The following PI16 variants were observed in gnomAD, a reference collection of about 807,000 sequenced individuals.
PI16 encodes the protein PSP94-binding protein.
PI16 carries 35 observed loss-of-function variants against 38.0 expected under a neutral mutation model. The ratio of observed to expected loss-of-function variants is 0.92; its 90% CI spans 0.70 to 1.22. PI16 has a LOEUF of 1.22. PI16 is among the 50% of genes most tolerant of loss of function. PI16 has a pLI of 0.00. For missense variants in PI16, 572 were observed against 593.8 expected (o/e 0.96, Z 0.38); for synonymous variants, 275 against 252.9 (o/e 1.09, Z -0.83).
intron 2 of PI16, 22 bp downstream of exon 2, chr6:36,959,388 C>G: frequency 1.3e-6 from 2 of 1,534,572 alleles, no homozygotes; most frequent in Non-Finnish European, 1.8e-6. Context: ...GCGGGCGAGG[C>G]GGGGCGGAGC....
chr6:36,956,138 C>T (rs185877962), intron 1 of PI16, among the ~76,000 whole-genome samples: 4 of 152,296 alleles, frequency 2.6e-5, no homozygotes, highest in South Asian at 2.1e-4. Context: ...ATGGGGCTGG[C>T]GATCCCTGCC....
chr6:36,959,444 C>A (rs1228803190), intron 2 of PI16, 78 bp downstream of exon 2: 1 of 1,392,988 alleles, frequency 7.2e-7, no homozygotes, highest in Non-Finnish European at 9.6e-7. Flanking sequence ...GCGGGGCCAC[C>A]TCTGCCTTCA....
rs369519536 is a variant in PI16, at chr6:36,957,442, A to C, written c.172-1703A>C. 3.9e-5 allele frequency among the ~76,000 whole-genome samples: 6 copies of C among 152,280 alleles called. No homozygotes were observed. The South Asian group carries it at 1.0e-3, about 26-fold the overall frequency. On this transcript the variant is annotated intron_variant, in intron 1 of 6. Transcript: ENST00000373674. ...GGTGCCTCTATAGTACTTGTGGCAC[A>C]TCTGTCATTTACCATGTGGTGGCCC...
chr6:36,961,420 G>A, intron 2 of PI16, 31 bp from the exon 3 acceptor site: 1 of 1,595,756 alleles, frequency 6.3e-7, no homozygotes, highest in Non-Finnish European at 8.6e-7. Flanking sequence ...ACCTCGCATG[G>A]GGCTGAGCTG....
rs146748215 is a variant in PI16 at position 36,961,415 on chromosome 6, G to T, written c.394-36G>T. 23 of 1,588,964 alleles carry T rather than the reference G, an allele frequency of 1.4e-5. No homozygotes were observed. In the Admixed American group the frequency reaches 1.7e-4, roughly 12 times the overall value. ...TGCCAGGAAGGCACCATGCCACCTC[G>T]CATGGGGCTGAGCTGCTAGGTTTGC... is the stretch of plus-strand genomic sequence containing the variant. On this transcript the variant is annotated intron_variant, in intron 2 of 6. Transcript: ENST00000373674.
At chr6:36,955,226 G>C (rs1763171947) in intron 1 of PI16, among the ~76,000 whole-genome samples, 1 of 152,190 alleles carries the variant, frequency 6.6e-6, no homozygotes, top group South Asian at 2.1e-4. Flanking sequence ...ACAGCTGGTA[G>C]AGCCAGACCC....
intron 1 of PI16, among the ~76,000 whole-genome samples, chr6:36,958,644 G>T (rs1361513473): frequency 6.6e-6 from 1 of 152,124 alleles, no homozygotes; most frequent in Non-Finnish European, 1.5e-5. Flanking sequence ...TGACCCAAGG[G>T]GAGGGTGGGG....
chr6:36,961,177 A>G (rs972988788), intron 2 of PI16, among the ~76,000 whole-genome samples: 2 of 152,200 alleles, frequency 1.3e-5, no homozygotes, highest in Non-Finnish European at 2.9e-5. Flanking sequence ...GGTATATCAC[A>G]GTCCTGGAGC....
chr6:36,963,401 C>T lies in PI16; in HGVS notation c.1059C>T (p.Ala353=). 1.2e-6 allele frequency: 2 copies of T among 1,614,170 alleles called. No individual in the cohort carries two copies. The highest frequency in any genetic ancestry group is 1.7e-6 in the Non-Finnish European group (2 of 1,180,016). ...GGGCAAGGGAACTCCTACCCCATGC[C>T]CAGGAGGAGGCTGAGGCTGAGGCTG... ...LTGARELLPH[A]QEEAEAEAEL... Residue 353 remains alanine (A), a synonymous_variant, in exon 5 of 7, where the codon GCC becomes GCT. Coordinates refer to ENST00000373674, the MANE Select transcript of PI16 (RefSeq NM_153370.3).
rs1763382694 is a variant in PI16 at position 36,962,082 on chromosome 6, A to G, written c.592+108A>G. On this transcript the variant is annotated intron_variant, in intron 4 of 6. Coordinates refer to ENST00000373674, the MANE Select transcript of PI16 (RefSeq NM_153370.3). The surrounding 1 kb of genome is among the most constrained non-coding windows in gnomAD (Gnocchi z 4.1). Reference sequence around the variant, plus strand: ...CTGAGCGGGACGTGGGCAGGGAAGGAGCCTGGTGGGATGCGACCACCGGGG... The same window carrying G: ...CTGAGCGGGACGTGGGCAGGGAAGGGGCCTGGTGGGATGCGACCACCGGGG... 19 of 928,760 alleles carry G rather than the reference A, an allele frequency of 2.0e-5. 1 individual carries two copies. The South Asian group carries it at 2.7e-4, about 13-fold the overall frequency. 57.5% of individuals were successfully genotyped at this position (928,760 alleles called of 1,614,324 possible). A position where few individuals can be genotyped will look rare whatever the true frequency, so the allele number is the denominator to read the frequency against.
At chr6:36,954,660 C>T (rs1214573009), upstream of PI16, 30 of 1,493,700 alleles carry the variant, frequency 2.0e-5, no homozygotes, top group Admixed American at 2.3e-5. Flanking sequence ...TCAAACACGG[C>T]CCCCACTGCC....
chr6:36,960,353 G>A (rs891353683), intron 2 of PI16, among the ~76,000 whole-genome samples: 3 of 151,686 alleles, frequency 2.0e-5, no homozygotes, highest in Non-Finnish European at 4.4e-5. Context: ...GTGTGTGTGT[G>A]TGTGTGTGTG....
Position 36,962,045 on chromosome 6 carries a change from A to G in PI16, c.592+71A>G. On this transcript the variant is annotated intron_variant, in intron 4 of 6. Coordinates refer to ENST00000373674, the MANE Select transcript of PI16 (RefSeq NM_153370.3). This position sits in a 1 kb window ranked among gnomAD's most constrained non-coding sequence, Gnocchi z 4.1. Reference sequence around the variant, plus strand: ...TGCGATGCAGACTGGATGGTCTAAGAGCCTCCCTGGACTGAGCGGGACGTG... The same window carrying G: ...TGCGATGCAGACTGGATGGTCTAAGGGCCTCCCTGGACTGAGCGGGACGTG... 7.4e-7 allele frequency: 1 copy of G among 1,357,896 alleles called. No homozygotes were observed. The highest frequency in any genetic ancestry group is 1.1e-6 in the Non-Finnish European group (1 of 947,830). The allele number at this position is 1,357,896 out of a possible 1,614,324, so 84.1% of individuals were successfully genotyped here.
intron 1 of PI16, among the ~76,000 whole-genome samples, chr6:36,958,764 T>C (rs1763269540): frequency 6.6e-6 from 1 of 152,100 alleles, no homozygotes; most frequent in South Asian, 2.1e-4. Context: ...CACCGTGATC[T>C]TGTGCTCTTC....
At position 36,958,876 on chromosome 6, in the gene PI16, C is replaced by T. The variant is rs182888679; in HGVS notation, c.172-269C>T. On this transcript the variant is annotated intron_variant, in intron 1 of 6. Coordinates refer to ENST00000373674, the MANE Select transcript of PI16 (RefSeq NM_153370.3). Reference sequence around the variant, plus strand: ...ACACTGTCACCAACACCACCTCATCCACTCTTCCCAGCCCTCTGAGGGTGC... The same window carrying T: ...ACACTGTCACCAACACCACCTCATCTACTCTTCCCAGCCCTCTGAGGGTGC... 3.0e-4 allele frequency among the ~76,000 whole-genome samples: 45 copies of T among 152,270 alleles called. No homozygotes were observed. In the East Asian group the frequency reaches 8.1e-3, roughly 27 times the overall value.
At chr6:36,958,178 G>A (rs2150735993) in intron 1 of PI16, among the ~76,000 whole-genome samples, 1 of 152,340 alleles carries the variant, frequency 6.6e-6, no homozygotes, top group Non-Finnish European at 1.5e-5. Context: ...GCGCTTTATG[G>A]GCTGTCTGGC....
chr6:36,957,255 G>C (rs1449814272), intron 1 of PI16, among the ~76,000 whole-genome samples: 1 of 152,134 alleles, frequency 6.6e-6, no homozygotes, highest in Non-Finnish European at 1.5e-5. Flanking sequence ...CACCTGAACA[G>C]CTTGTCTTTT....
chr6:36,953,071 G>A (rs1340201081), upstream of PI16, among the ~76,000 whole-genome samples: 3 of 152,172 alleles, frequency 2.0e-5, no homozygotes, highest in Non-Finnish European at 4.4e-5. Flanking sequence ...TGTAATCCCA[G>A]CACTTTGGGA....
chr6:36,961,870 T>C lies in PI16; in HGVS notation c.504-16T>C, dbSNP rs370823254. 62 of 1,608,020 alleles carry C rather than the reference T, an allele frequency of 3.9e-5. No individual in the cohort carries two copies. The African/African-American group carries it at 6.8e-4, about 18-fold the overall frequency. On this transcript the variant is annotated splice_polypyrimidine_tract_variant and intron_variant, in intron 3 of 6. Coordinates refer to ENST00000373674, the MANE Select transcript of PI16 (RefSeq NM_153370.3). ...GGTCGACCCCCTCCCCGCAGCATCC[T>C]CCTGACCTCCTGTAGGGGGAACGTG... is the stretch of plus-strand genomic sequence containing the variant.
Sources: gnomAD v4.1 joint callset for allele counts (sites outside exome capture counted in the v4.1 genomes callset) on GRCh38, gnomAD v4.1.1 for gene constraint, Gnocchi (gnomAD v3.1) non-coding constraint, MANE v1.5 for transcripts, NCBI Gene and HGNC (gene_info 2026-07-23, HGNC 2026-07-21) for gene names.